Variants in SHISA9 observed in about 807,000 individuals in gnomAD.
SHISA9 encodes the protein shisa family member 9, also known as protein shisa-9.
In SHISA9, 13 loss-of-function variants were observed where a neutral mutation model predicts 38.0. That is an observed-to-expected ratio of 0.34 (90% CI 0.22 to 0.54). The LOEUF (loss-of-function observed/expected upper bound fraction) is 0.54. Among genes scored for constraint, SHISA9 ranks in the 20% least tolerant of loss-of-function variants. The pLI, the probability that SHISA9 is intolerant of heterozygous loss-of-function variation, is 0.91. For missense variants in SHISA9, 538 were observed against 575.8 expected (o/e 0.93, Z 0.67); for synonymous variants, 275 against 242.0 (o/e 1.14, Z -1.27).
chr16:13,538,075 T>C, the SHISA9 span, among the ~76,000 whole-genome samples: 11 of 152,290 alleles, frequency 7.2e-5, no homozygotes, highest in East Asian at 2.1e-3. Context: ...GAGTTTAGGG[T>C]TCTTCAAACA....
intron 2 of SHISA9, among the ~76,000 whole-genome samples, chr16:13,014,963 G>A (rs1166490403): frequency 6.6e-6 from 1 of 152,216 alleles, no homozygotes. Context: ...CCCACTCAAT[G>A]TCCAGCAGAG....
At chr16:13,191,504 CATG>C (rs2050885211) in intron 2 of SHISA9, among the ~76,000 whole-genome samples, 1 of 152,200 alleles carries the variant, frequency 6.6e-6, no homozygotes, top group Non-Finnish European at 1.5e-5. Context: ...CGTTGCTAAG[CATG>C]ATGATCATAA....
chr16:13,087,404 G>A (rs1022461148), intron 2 of SHISA9, among the ~76,000 whole-genome samples: 2 of 152,126 alleles, frequency 1.3e-5, no homozygotes, highest in Non-Finnish European at 2.9e-5. Flanking sequence ...TCGCCACACT[G>A]TCTTCCACAA....
At position 12,970,404 on chromosome 16, in the gene SHISA9, C is replaced by CATATATACATATATGT. The variant is rs2072051561; in HGVS notation, c.691+53596_691+53597insCATATATGTATATATA. Reference sequence around the variant, plus strand: ...ATACATATATGTATATATATATATACATATATATATATACACATATATGTA... The same window carrying CATATATACATATATGT: ...ATACATATATGTATATATATATATACATATATACATATATGTATATATATATATACACATATATGTA... On this transcript the variant is annotated intron_variant, in intron 2 of 4. Transcript: ENST00000558583. 3.4e-4 allele frequency among the ~76,000 whole-genome samples: 4 copies of CATATATACATATATGT among 11,722 alleles called. 1 individual carries two copies. Among genetic ancestry groups the CATATATACATATATGT allele is most frequent in the Non-Finnish European group, 8.0e-4 (4 of 5,016 alleles). The allele number at this position is 11,722 out of a possible 152,430, so 7.7% of individuals were successfully genotyped here.
chr16:13,301,625 A>T, the SHISA9 span, among the ~76,000 whole-genome samples: 1 of 152,226 alleles, frequency 6.6e-6, no homozygotes, highest in African/African-American at 2.4e-5. Flanking sequence ...ATTGCTTGAG[A>T]GGAGTTTGAA....
At chr16:13,349,406 C>T in the SHISA9 span, among the ~76,000 whole-genome samples, 56 of 152,214 alleles carry the variant, frequency 3.7e-4, no homozygotes, top group Non-Finnish European at 1.2e-4. Flanking sequence ...TCTAGAGATG[C>T]GTATGTGACT....
the SHISA9 span, among the ~76,000 whole-genome samples, chr16:13,361,256 A>G: frequency 6.6e-6 from 1 of 152,200 alleles, no homozygotes; most frequent in Non-Finnish European, 1.5e-5. Flanking sequence ...CTCTAGAGCT[A>G]ACGCTTTTAT....
At chr16:13,155,277 T>A (rs142603057) in intron 2 of SHISA9, among the ~76,000 whole-genome samples, 1,910 of 152,246 alleles carry the variant, frequency 0.013, 24 homozygotes, top group South Asian at 0.023. Context: ...TGGAGTGGAA[T>A]ACTTGGATAT....
chr16:13,279,305 C>T, the SHISA9 span, among the ~76,000 whole-genome samples: 2 of 151,792 alleles, frequency 1.3e-5, no homozygotes, highest in Non-Finnish European at 2.9e-5. Flanking sequence ...TGTTTTATGG[C>T]TTATCATATG....
chr16:12,945,238 C>T (rs934238395), intron 2 of SHISA9, among the ~76,000 whole-genome samples: 1 of 152,120 alleles, frequency 6.6e-6, no homozygotes, highest in Admixed American at 6.5e-5. Flanking sequence ...CTATAGGGAA[C>T]TGACAGTGTC....
chr16:13,502,374 C>T, the SHISA9 span, among the ~76,000 whole-genome samples: 1 of 152,140 alleles, frequency 6.6e-6, no homozygotes, highest in Non-Finnish European at 1.5e-5. Flanking sequence ...ACGTAGCCTT[C>T]ACCTAGGAAG....
chr16:13,189,368 G>C (rs988038301), intron 2 of SHISA9, among the ~76,000 whole-genome samples: 4 of 152,200 alleles, frequency 2.6e-5, no homozygotes, highest in African/African-American at 9.6e-5. Context: ...GCTAGGGGCA[G>C]CTTAGCTTGA....
chr16:13,079,889 A>G (rs2073627523), intron 2 of SHISA9, among the ~76,000 whole-genome samples: 1 of 152,246 alleles, frequency 6.6e-6, no homozygotes, highest in African/African-American at 2.4e-5. Flanking sequence ...TAAAAAACCC[A>G]GGAAACACCT....
chr16:13,383,382 T>A, the SHISA9 span, among the ~76,000 whole-genome samples: 1 of 152,322 alleles, frequency 6.6e-6, no homozygotes. Flanking sequence ...AGATCTGATA[T>A]GGAATGATCT....
chr16:13,512,572 C>T, the SHISA9 span, among the ~76,000 whole-genome samples: 69 of 152,172 alleles, frequency 4.5e-4, 1 homozygote, highest in Middle Eastern at 0.017. Context: ...GCAAAAAGAA[C>T]GAAGCTGGAG....
chr16:13,540,921 A>T, the SHISA9 span, among the ~76,000 whole-genome samples: 1 of 152,126 alleles, frequency 6.6e-6, no homozygotes, highest in African/African-American at 2.4e-5. Context: ...TTGATCCCCA[A>T]CCACTAAAAT....
At chr16:13,107,195 G>A (rs568680874) in intron 2 of SHISA9, among the ~76,000 whole-genome samples, 1 of 152,072 alleles carries the variant, frequency 6.6e-6, no homozygotes, top group African/African-American at 2.4e-5. Context: ...CACTTTGGGA[G>A]GCCGAGTGGG....
the SHISA9 span, among the ~76,000 whole-genome samples, chr16:13,479,276 G>A: frequency 6.6e-6 from 1 of 152,124 alleles, no homozygotes; most frequent in African/African-American, 2.4e-5. Flanking sequence ...CCTGTCTCAA[G>A]ATTCTTAACT....
At chr16:13,009,447 G>T (rs1251971099) in intron 2 of SHISA9, among the ~76,000 whole-genome samples, 3 of 152,088 alleles carry the variant, frequency 2.0e-5, no homozygotes, top group Non-Finnish European at 4.4e-5. Context: ...TTTCAGGAAG[G>T]TCTCCGTTCT....
Sources: gnomAD v4.1 joint callset for allele counts (sites outside exome capture counted in the v4.1 genomes callset) on GRCh38, gnomAD v4.1.1 for gene constraint, MANE v1.5 for transcripts, NCBI Gene and HGNC (gene_info 2026-07-23, HGNC 2026-07-21) for gene names.